Variants in UBXN4 observed in about 807,000 individuals in gnomAD.
UBXN4 encodes UBX domain-containing protein 4.
In UBXN4, 35 loss-of-function variants were observed where a neutral mutation model predicts 66.2. That is an observed-to-expected ratio of 0.53 (90% CI 0.40 to 0.70). The LOEUF (loss-of-function observed/expected upper bound fraction) is 0.70, where lower values mean the gene tolerates loss of function less well. Ranked by LOEUF, UBXN4 falls within the 30% of genes least tolerant of loss-of-function variation. The pLI, the probability that UBXN4 is intolerant of heterozygous loss-of-function variation, is 0.00. For synonymous variants in UBXN4, 203 were observed against 204.5 expected, an observed-to-expected ratio of 0.99 and a Z score of 0.06; for missense variants, 533 against 599.8, an observed-to-expected ratio of 0.89 and a Z score of 1.16.
At chr2:135,743,048 A>T (rs2077187036) in intron 1 of UBXN4, among the ~76,000 whole-genome samples, 1 of 152,210 alleles carries the variant, frequency 6.6e-6, no homozygotes, top group Non-Finnish European at 1.5e-5. Context: ...GGACCAAATC[A>T]ATGTTTGTGG....
intron 6 of UBXN4, among the ~76,000 whole-genome samples, chr2:135,763,825 C>G (rs1457297218): frequency 6.7e-6 from 1 of 149,532 alleles, no homozygotes; most frequent in Non-Finnish European, 1.5e-5. Context: ...GACTCTGTCT[C>G]AAAAAGTAAA....
chr2:135,753,017 CTTTTTT>C (rs34841626), intron 2 of UBXN4, among the ~76,000 whole-genome samples: 2 of 60,926 alleles, frequency 3.3e-5, no homozygotes, highest in Admixed American at 2.1e-4. Flanking sequence ...CACGCCCGGC[CTTTTTT>C]TTTTTTTTTT....
chr2:135,762,348 C>T (rs2077320533), intron 6 of UBXN4, among the ~76,000 whole-genome samples: 1 of 152,092 alleles, frequency 6.6e-6, no homozygotes, highest in African/African-American at 2.4e-5. Flanking sequence ...ATTTCTGGCT[C>T]TTTGTAGTTT....
chr2:135,770,875 G>T, intron 8 of UBXN4, 140 bp downstream of exon 8: 1 of 831,894 alleles, frequency 1.2e-6, no homozygotes. Context: ...ATTAGAAATT[G>T]TAAATGAATT....
intron 2 of UBXN4, among the ~76,000 whole-genome samples, chr2:135,749,453 A>AGTAATGTAACAGT (rs1489643573): frequency 1.3e-5 from 2 of 152,244 alleles, no homozygotes; most frequent in African/African-American, 4.8e-5. Flanking sequence ...CATATATGAA[A>AGTAATGTAACAGT]GTAATGTAAC....
rs150427723 is a variant in UBXN4 at position 135,774,201 on chromosome 2, C to G, written c.950+1654C>G. Among the ~76,000 whole-genome samples, 884 of 152,136 alleles carry G rather than the reference C, an allele frequency of 5.8e-3. 5 individuals carry two copies. The highest frequency in any genetic ancestry group is 0.014 in the Middle Eastern group (4 of 292). On this transcript the variant is annotated intron_variant, in intron 9 of 12. Coordinates refer to ENST00000272638, the MANE Select transcript of UBXN4 (RefSeq NM_014607.4). ...TAGAATGGAGTCTCTAGAAATAAAC[C>G]CTTACATTTATGAACTGTTTATTTT...
At chr2:135,764,070 G>C (rs2105500999) in intron 6 of UBXN4, among the ~76,000 whole-genome samples, 1 of 152,234 alleles carries the variant, frequency 6.6e-6, no homozygotes, top group African/African-American at 2.4e-5. Flanking sequence ...GTTGCAGTGA[G>C]CCAAGGTCAT....
intron 2 of UBXN4, among the ~76,000 whole-genome samples, chr2:135,750,783 A>G (rs2077235958): frequency 6.7e-6 from 1 of 149,854 alleles, no homozygotes; most frequent in Non-Finnish European, 1.5e-5. Flanking sequence ...GGAATGTGCA[A>G]TACATGAGAA....
At chr2:135,776,509 T>G (rs1461757846) in intron 10 of UBXN4, among the ~76,000 whole-genome samples, 158 bp downstream of exon 10, 1 of 152,178 alleles carries the variant, frequency 6.6e-6, no homozygotes, top group Non-Finnish European at 1.5e-5. Context: ...TTCTGTCGGG[T>G]GTTAGTGCAT....
intron 5 of UBXN4, among the ~76,000 whole-genome samples, chr2:135,759,767 T>TA (rs1491467051): frequency 4.2e-3 from 6 of 1,414 alleles, no homozygotes; most frequent in African/African-American, 7.3e-3. Flanking sequence ...CAATCCAGAA[T>TA]TTTTTTTTTT....
intron 9 of UBXN4, among the ~76,000 whole-genome samples, chr2:135,774,326 C>G (rs1464314665): frequency 6.6e-6 from 1 of 152,106 alleles, no homozygotes; most frequent in Non-Finnish European, 1.5e-5. Context: ...GAATTTGGAC[C>G]TTTACCTCAC....
chr2:135,766,529 T>C (rs1306354831), intron 6 of UBXN4, among the ~76,000 whole-genome samples: 1 of 152,222 alleles, frequency 6.6e-6, no homozygotes, highest in African/African-American at 2.4e-5. Flanking sequence ...AGACACTTCT[T>C]GTTTGCATTT....
chr2:135,748,393 A>G, intron 2 of UBXN4, 24 bp downstream of exon 2: 1 of 1,474,092 alleles, frequency 6.8e-7, no homozygotes, highest in East Asian at 2.5e-5. Flanking sequence ...TTAATATTTT[A>G]TTAATTTTAA....
In UBXN4 at chr2:135,783,852, C is replaced by G. The variant is rs777310313; in HGVS notation, c.*965C>G. On this transcript the variant is annotated 3_prime_UTR_variant, in exon 13 of 13. Transcript: ENST00000272638. ...AAGTTGAGATTCTTAATCTGACTTA[C>G]ATGTTACTTTATCCGTATGTCTTTG... 8 of 152,186 alleles carry G rather than the reference C, an allele frequency of 5.3e-5. No homozygotes were observed. Among genetic ancestry groups the G allele is most frequent in the Non-Finnish European group, 1.2e-4 (8 of 68,034 alleles). 9.4% of individuals were successfully genotyped at this position (152,186 alleles called of 1,614,324 possible).
At chr2:135,755,449 G>A (rs1054487808) in intron 4 of UBXN4, 68 bp from the exon 5 acceptor site, 2 of 1,235,632 alleles carry the variant, frequency 1.6e-6, no homozygotes, top group Non-Finnish European at 2.1e-6. Context: ...CCTGTATTTT[G>A]GTCTCTACTG....
rs545990692 is a variant in UBXN4, at chr2:135,750,393, C to T, written c.185+2024C>T. On this transcript the variant is annotated intron_variant, in intron 2 of 12. Coordinates refer to ENST00000272638, the MANE Select transcript of UBXN4 (RefSeq NM_014607.4). ...TCAAGATTAAAGCATTCAGAAATTT[C>T]TACTCGGGAGGCTGAGGCAGGAGAA... Among the ~76,000 whole-genome samples the T allele has an allele frequency of 2.0e-5, 3 of 152,102 alleles. No homozygotes were observed. In the East Asian group the frequency reaches 5.8e-4, roughly 29 times the overall value.
rs911469433 is a variant in UBXN4 at position 135,765,019 on chromosome 2, G to A, written c.602+3108G>A. ...AGTAGAGACAGGGGTTTGCCATGTTGGCCAGGCTGGTCTCGAACTCCTGGC... is the reference window on the plus strand; with the variant it reads ...AGTAGAGACAGGGGTTTGCCATGTTAGCCAGGCTGGTCTCGAACTCCTGGC... On this transcript the variant is annotated intron_variant, in intron 6 of 12. Transcript: ENST00000272638. Among the ~76,000 whole-genome samples the A allele has an allele frequency of 1.2e-4, 18 of 152,144 alleles. 1 individual carries two copies. The East Asian group carries it at 3.5e-3, about 29-fold the overall frequency.
intron 9 of UBXN4, among the ~76,000 whole-genome samples, chr2:135,775,057 ATCATTAG>A (rs1389056755): frequency 6.6e-6 from 1 of 152,226 alleles, no homozygotes; most frequent in African/African-American, 2.4e-5. Flanking sequence ...GATGTTCAAC[ATCATTAG>A]TCATTAGGGA....
intron 6 of UBXN4, among the ~76,000 whole-genome samples, chr2:135,766,554 A>G (rs2077348932): frequency 6.6e-6 from 1 of 152,182 alleles, no homozygotes; most frequent in Non-Finnish European, 1.5e-5. Flanking sequence ...TGATTTAGAC[A>G]TTTTGAAGAG....
Sources: allele counts gnomAD v4.1 joint callset (sites outside exome capture counted in the v4.1 genomes callset), GRCh38; gene constraint gnomAD v4.1.1; transcripts MANE v1.5; gene names NCBI Gene and HGNC (gene_info 2026-07-23, HGNC 2026-07-21).